Variants in CEMIP observed in about 807,000 individuals in gnomAD.
The protein encoded by CEMIP is cell migration-inducing and hyaluronan-binding protein.
A neutral mutation model predicts 156.9 loss-of-function variants in CEMIP; 105 were observed. The ratio of observed to expected loss-of-function variants is 0.67; its 90% CI spans 0.57 to 0.79. The LOEUF is 0.79. Among genes scored for constraint, CEMIP ranks in the 30% least tolerant of loss-of-function variants. CEMIP has a pLI of 0.00. For missense variants in CEMIP, 1,457 were observed against 1,769.4 expected, an observed-to-expected ratio of 0.82 and a Z score of 3.17; for synonymous variants, 676 against 668.4, an observed-to-expected ratio of 1.01 and a Z score of -0.17.
In CEMIP at chr15:80,942,259, G is replaced by C; in HGVS notation, c.3621G>C (p.Lys1207Asn). The C allele has an allele frequency of 6.2e-7, 1 of 1,613,884 alleles. No individual in the cohort carries two copies. The highest frequency in any genetic ancestry group is 8.5e-7 in the Non-Finnish European group (1 of 1,179,738). Residue 1207 changes from lysine (K) to asparagine (N), a missense_variant, in exon 27 of 30, where the codon AAG becomes AAC. By Grantham distance (94) the Lys-to-Asn change is moderately conservative. Coordinates refer to ENST00000394685, the MANE Select transcript of CEMIP (RefSeq NM_001293298.2). Reference protein sequence around the residue: ...KKLFGSQLKTKDHFLEVKMES... With the variant: ...KKLFGSQLKTNDHFLEVKMES... ...TTCTATGTGTTTTCCAGAAAACAAA[G>C]GACCATTTCTTGGAGGTGAAGATGG...
At chr15:80,947,132 G>GA in intron 29 of CEMIP, 67 bp downstream of exon 29, 1 of 1,021,550 alleles carries the variant, frequency 9.8e-7, no homozygotes, top group South Asian at 1.3e-5. Context: ...GGCATGGAGG[G>GA]TGCTGTCATC....
At chr15:80,867,742 T>C (rs898446252) in intron 1 of CEMIP, among the ~76,000 whole-genome samples, 1 of 152,212 alleles carries the variant, frequency 6.6e-6, no homozygotes, top group East Asian at 1.9e-4. Context: ...CTTGGATTGT[T>C]CTGTCTCCCA....
chr15:80,858,805 T>G (rs1161454045), intron 1 of CEMIP, among the ~76,000 whole-genome samples: 1 of 152,242 alleles, frequency 6.6e-6, no homozygotes, highest in Non-Finnish European at 1.5e-5. Context: ...GTTTCCATAG[T>G]GAATGTCAAA....
At chr15:80,852,085 A>G (rs906211360) in intron 1 of CEMIP, among the ~76,000 whole-genome samples, 1 of 152,198 alleles carries the variant, frequency 6.6e-6, no homozygotes, top group African/African-American at 2.4e-5. Context: ...CAAACTTTGC[A>G]GGGCAGGAAG....
At chr15:80,856,353 TG>T (rs1476971659) in intron 1 of CEMIP, among the ~76,000 whole-genome samples, 1 of 152,216 alleles carries the variant, frequency 6.6e-6, no homozygotes, top group Non-Finnish European at 1.5e-5. Context: ...ATGTGGACGG[TG>T]GTGTCTTCAC....
chr15:80,926,075 A>G (rs949139889), intron 19 of CEMIP, among the ~76,000 whole-genome samples: 2 of 152,246 alleles, frequency 1.3e-5, no homozygotes, highest in African/African-American at 4.8e-5. Flanking sequence ...AAGAAGCCAG[A>G]ACATTCTAGG....
At chr15:80,878,187 T>A (rs576197114) in intron 3 of CEMIP, among the ~76,000 whole-genome samples, 2 of 152,268 alleles carry the variant, frequency 1.3e-5, no homozygotes, top group Non-Finnish European at 2.9e-5. Context: ...CCAGTTTAGA[T>A]GACATTCACC....
chr15:80,909,762 G>C, intron 14 of CEMIP: 3 of 388,436 alleles, frequency 7.7e-6, no homozygotes, highest in South Asian at 3.8e-5. Context: ...GCTGCTGGGA[G>C]AAATACTCTC....
chr15:80,830,684 T>C (rs1015141499), intron 1 of CEMIP, among the ~76,000 whole-genome samples: 1 of 152,186 alleles, frequency 6.6e-6, no homozygotes, highest in African/African-American at 2.4e-5. Context: ...TGGAAGTCTT[T>C]GTGTTAACTG....
At chr15:80,890,234 G>T (rs1438290597) in intron 10 of CEMIP, among the ~76,000 whole-genome samples, 2 of 152,070 alleles carry the variant, frequency 1.3e-5, no homozygotes, top group Non-Finnish European at 2.9e-5. Context: ...CTTATGCCCA[G>T]TCTCATTCCA....
chr15:80,924,059 G>C (rs1384582891), intron 17 of CEMIP, among the ~76,000 whole-genome samples: 1 of 152,164 alleles, frequency 6.6e-6, no homozygotes, highest in Non-Finnish European at 1.5e-5. Context: ...GGCCTCCCTG[G>C]GCAGCATCAC....
At chr15:80,816,463 C>T (rs1040235613) in intron 1 of CEMIP, among the ~76,000 whole-genome samples, 1 of 152,166 alleles carries the variant, frequency 6.6e-6, no homozygotes. Context: ...CTTATCACCT[C>T]TCCTCTCCTT....
intron 1 of CEMIP, among the ~76,000 whole-genome samples, chr15:80,853,262 G>A (rs1482478548): frequency 6.6e-6 from 1 of 152,174 alleles, no homozygotes; most frequent in Non-Finnish European, 1.5e-5. Context: ...TGGAAAGGGG[G>A]GAAAAGCATG....
rs981249069 is a variant in CEMIP, at chr15:80,878,856, T to C, written c.230T>C (p.Ile77Thr). ...TSSATVYSIH[I>T]SEGGKLVIKD... ...TCTGCCACGGTCTATTCCATCCACATCTCAGAGGGAGGTAAGCCAATCTCT... is the reference window on the plus strand; with the variant it reads ...TCTGCCACGGTCTATTCCATCCACACCTCAGAGGGAGGTAAGCCAATCTCT... The change falls in exon 4 of 30, where the codon ATC becomes ACC. Residue 77 changes from isoleucine (I) to threonine (T), a missense_variant. By Grantham distance (89) the Ile-to-Thr change is moderately conservative. Coordinates refer to ENST00000394685, the MANE Select transcript of CEMIP (RefSeq NM_001293298.2). 1 of 1,613,994 alleles carries C rather than the reference T, an allele frequency of 6.2e-7. No individual in the cohort carries two copies. The highest frequency in any genetic ancestry group is 1.3e-5 in the African/African-American group (1 of 74,910).
chr15:80,879,840 C>A lies in CEMIP; in HGVS notation c.366C>A (p.Ile122=), dbSNP rs779074774. 3 of 1,614,036 alleles carry A rather than the reference C, an allele frequency of 1.9e-6. No individual in the cohort carries two copies. Among genetic ancestry groups the A allele is most frequent in the East Asian group, 4.5e-5 (2 of 44,886 alleles). ...ALCPFQGNFT[I]ILYGRADEGI... ...GCCCTTTCCAGGGCAATTTCACCAT[C>A]ATTTTGTATGGAAGGTGCGTAGACC... Residue 122 remains isoleucine (I), a synonymous_variant, in exon 5 of 30, where the codon ATC becomes ATA. Transcript: ENST00000394685.
At position 80,834,725 on chromosome 15, in the gene CEMIP, A is replaced by G. The variant is rs146337499; in HGVS notation, c.-175-38813A>G. Among the ~76,000 whole-genome samples, 215 of 152,240 alleles carry G rather than the reference A, an allele frequency of 1.4e-3. 1 individual carries two copies. The highest frequency in any genetic ancestry group is 0.01 in the Middle Eastern group (3 of 294). ...TTAAGGCCTCCCACTTTGTTCTTTGAGATTGTCTTTACTGTTCTTGGCCCT... is the reference window on the plus strand; with the variant it reads ...TTAAGGCCTCCCACTTTGTTCTTTGGGATTGTCTTTACTGTTCTTGGCCCT... On this transcript the variant is annotated intron_variant, in intron 1 of 29. Coordinates refer to ENST00000394685, the MANE Select transcript of CEMIP (RefSeq NM_001293298.2).
At chr15:80,846,234 A>G (rs10152172) in intron 1 of CEMIP, among the ~76,000 whole-genome samples, 7,693 of 152,050 alleles carry the variant, frequency 0.051, 672 homozygotes, top group African/African-American at 0.18. Flanking sequence ...ATCCCCATAA[A>G]CTCACCCACA....
At chr15:80,823,720 G>A (rs560764665) in intron 1 of CEMIP, among the ~76,000 whole-genome samples, 68 of 152,316 alleles carry the variant, frequency 4.5e-4, no homozygotes, top group African/African-American at 1.5e-3. Flanking sequence ...TTTAAGATAG[G>A]GAGAGGTGAT....
intron 12 of CEMIP, among the ~76,000 whole-genome samples, chr15:80,898,054 T>G (rs1899305730): frequency 6.6e-6 from 1 of 152,310 alleles, no homozygotes; most frequent in East Asian, 1.9e-4. Flanking sequence ...AGATGCTCTG[T>G]GTGGGGCTAT....
Sources: allele counts gnomAD v4.1 joint callset (sites outside exome capture counted in the v4.1 genomes callset), GRCh38; gene constraint gnomAD v4.1.1; transcripts MANE v1.5; gene names NCBI Gene and HGNC (gene_info 2026-07-23, HGNC 2026-07-21).